The following DENND4C variants were observed in gnomAD, a reference collection of about 807,000 sequenced individuals.
The protein encoded by DENND4C is DENN domain-containing protein 4C.
In DENND4C, 108 loss-of-function variants were observed where a neutral mutation model predicts 203.0. That is an observed-to-expected ratio of 0.53 (90% CI 0.46 to 0.62). The LOEUF (loss-of-function observed/expected upper bound fraction) is 0.62, where lower values mean the gene tolerates loss of function less well. Among genes scored for constraint, DENND4C ranks in the 20% least tolerant of loss-of-function variants. DENND4C has a pLI of 0.00. For synonymous variants in DENND4C, 871 were observed against 792.4 expected (o/e 1.10, Z -1.67); for missense variants, 2,481 against 2,301.2 (o/e 1.08, Z -1.60).
intron 10 of DENND4C, among the ~76,000 whole-genome samples, chr9:19,309,382 A>T (rs145788027): frequency 2.2e-4 from 34 of 151,560 alleles, no homozygotes; most frequent in African/African-American, 7.5e-4. Context: ...AGATCGTGTC[A>T]TTGCACTCCA....
At chr9:19,259,469 C>T (rs1017771045) in intron 1 of DENND4C, among the ~76,000 whole-genome samples, 5 of 150,682 alleles carry the variant, frequency 3.3e-5, no homozygotes, top group African/African-American at 9.7e-5. Context: ...AATAGTACTC[C>T]GTTGGGTATA....
At position 19,356,967 on chromosome 9, in the gene DENND4C, TG is replaced by T; in HGVS notation, c.4782-4del. Reference sequence around the variant, plus strand: ...GGCTCTTTTTCCCCCCTTTTCCTTATGTAGCTTTTTCCTGAAACCAAGTACC... The same window carrying T: ...GGCTCTTTTTCCCCCCTTTTCCTTATTAGCTTTTTCCTGAAACCAAGTACC... On this transcript the variant is annotated splice_region_variant and splice_polypyrimidine_tract_variant and intron_variant, in intron 26 of 32. Transcript: ENST00000434457. 6.2e-7 allele frequency: 1 copy of T among 1,613,122 alleles called. No homozygotes were observed. Among genetic ancestry groups the T allele is most frequent in the South Asian group, 1.1e-5 (1 of 90,780 alleles).
chr9:19,253,490 C>G (rs562010277), intron 1 of DENND4C, among the ~76,000 whole-genome samples: 297 of 152,276 alleles, frequency 2.0e-3, no homozygotes, highest in South Asian at 5.2e-3. Context: ...AGTTCTGTGA[C>G]CCAGTCAACA....
chr9:19,265,389 A>G (rs139194251), intron 1 of DENND4C, among the ~76,000 whole-genome samples: 40 of 152,144 alleles, frequency 2.6e-4, no homozygotes, highest in African/African-American at 7.9e-4. Context: ...TTTAATTTCC[A>G]TGTGTTTACG....
intron 5 of DENND4C, among the ~76,000 whole-genome samples, chr9:19,292,100 C>T (rs1836452053): frequency 6.6e-6 from 1 of 152,096 alleles, no homozygotes; most frequent in African/African-American, 2.4e-5. Flanking sequence ...TCTCGGCTCA[C>T]TGCAACCTCC....
intron 1 of DENND4C, among the ~76,000 whole-genome samples, chr9:19,244,577 A>G (rs1824644585): frequency 1.3e-5 from 2 of 151,352 alleles, no homozygotes; most frequent in African/African-American, 4.9e-5. Context: ...CATCTGTCCT[A>G]AAAATACAAA....
chr9:19,276,470 C>T lies in DENND4C; in HGVS notation c.296C>T (p.Thr99Ile). The stretch of plus-strand genomic sequence containing the variant: ...AGAGGGAGAGATAAACCACCGCTTA[C>T]AGATATTGGGTATGGTGACTTCTTT... ...YKRGRDKPPL[T>I]DIGVLYEGKE... The change falls in exon 2 of 33, where the codon ACA (threonine) becomes ATA (isoleucine). Residue 99 changes from threonine to isoleucine, a missense_variant. Around this residue, in one of 3 missense-constraint regions of DENND4C, gnomAD observed 187 missense variants for 167.4 expected, o/e 1.12. Coordinates refer to ENST00000434457, the MANE Select transcript of DENND4C (RefSeq NM_001330640.2). The T allele has an allele frequency of 8.1e-7, 1 of 1,232,018 alleles. No homozygotes were observed. Among genetic ancestry groups the T allele is most frequent in the Non-Finnish European group, 1.0e-6 (1 of 987,868 alleles). 76.3% of individuals were successfully genotyped at this position (1,232,018 alleles called of 1,614,324 possible). A position where few individuals can be genotyped will look rare whatever the true frequency, so the allele number is the denominator to read the frequency against.
At chr9:19,238,073 TTC>T (rs1822476676) in intron 1 of DENND4C, among the ~76,000 whole-genome samples, 1 of 151,680 alleles carries the variant, frequency 6.6e-6, no homozygotes, top group South Asian at 2.1e-4. Flanking sequence ...CTTCCTCTGT[TTC>T]TTTCTTTCTT....
At position 19,298,040 on chromosome 9, in the gene DENND4C, A is replaced by G. The variant is rs1183970920; in HGVS notation, c.1041-16A>G. On this transcript the variant is annotated splice_polypyrimidine_tract_variant and intron_variant, in intron 6 of 32. Transcript: ENST00000434457. ...GAAAAGTAATTATTATATTTATTTC[A>G]AATTTTTTTTTCTAGGCACATTTCA... The G allele has an allele frequency of 2.5e-6, 4 of 1,591,966 alleles. No individual in the cohort carries two copies. The highest frequency in any genetic ancestry group is 3.4e-6 in the Non-Finnish European group (4 of 1,165,964).
intron 1 of DENND4C, among the ~76,000 whole-genome samples, chr9:19,231,860 A>G (rs1332024709): frequency 6.6e-6 from 1 of 151,888 alleles, no homozygotes; most frequent in African/African-American, 2.4e-5. Flanking sequence ...CGTTCTTCCT[A>G]GGCCCTAATT....
intron 2 of DENND4C, among the ~76,000 whole-genome samples, chr9:19,284,648 A>G (rs1269877975): frequency 6.6e-6 from 1 of 152,116 alleles, no homozygotes; most frequent in Non-Finnish European, 1.5e-5. Context: ...TCTCACAGAG[A>G]TTAATGGTGT....
intron 8 of DENND4C, among the ~76,000 whole-genome samples, chr9:19,299,621 ACTT>A (rs1003418315): frequency 1.3e-5 from 2 of 152,126 alleles, no homozygotes; most frequent in African/African-American, 4.8e-5. Context: ...AAATCCTTTT[ACTT>A]CTTTTCATCT....
At chr9:19,259,364 G>T (rs983888027) in intron 1 of DENND4C, among the ~76,000 whole-genome samples, 3 of 152,036 alleles carry the variant, frequency 2.0e-5, no homozygotes, top group Non-Finnish European at 4.4e-5. Flanking sequence ...CGTGAAGTTT[G>T]TGTTTCTGTG....
At chr9:19,343,627 G>A (rs1261415647) in intron 22 of DENND4C, among the ~76,000 whole-genome samples, 3 of 152,230 alleles carry the variant, frequency 2.0e-5, no homozygotes, top group Non-Finnish European at 2.9e-5. Context: ...CTCAAGAGGT[G>A]GGGCTAAAGA....
intron 20 of DENND4C, among the ~76,000 whole-genome samples, chr9:19,340,377 C>G (rs963174993): frequency 6.6e-6 from 1 of 152,066 alleles, no homozygotes; most frequent in Admixed American, 6.5e-5. Flanking sequence ...CTCCCCTGGC[C>G]CTTTCAGTGT....
chr9:19,355,713 T>C (rs1481059099), intron 26 of DENND4C, among the ~76,000 whole-genome samples: 1 of 152,144 alleles, frequency 6.6e-6, no homozygotes, highest in Non-Finnish European at 1.5e-5. Flanking sequence ...TTGGATTGTA[T>C]TGTTATTATT....
rs1326242425 is a variant in DENND4C, at chr9:19,369,960, A to C, written c.5648A>C (p.Gln1883Pro). Residue 1883 changes from glutamine (Q) to proline (P), a missense_variant, in exon 31 of 33, where the codon CAA becomes CCA. Around this residue, in one of 3 missense-constraint regions of DENND4C, gnomAD observed 2,289 missense variants for 2,113.3 expected, o/e 1.08. Transcript: ENST00000434457. ...VLKPINLLSQ[Q>P]MKPGMKRQRS... ...AAACCCATCAACCTACTTTCACAGCAAATGAAGCCAGGCATGAAAAGACAA... is the reference window on the plus strand; with the variant it reads ...AAACCCATCAACCTACTTTCACAGCCAATGAAGCCAGGCATGAAAAGACAA... The C allele has an allele frequency of 1.2e-6, 2 of 1,613,908 alleles. No homozygotes were observed. Among genetic ancestry groups the C allele is most frequent in the Admixed American group, 3.3e-5 (2 of 60,016 alleles).
intron 3 of DENND4C, among the ~76,000 whole-genome samples, chr9:19,287,755 C>T (rs1037017139): frequency 4.0e-5 from 6 of 150,582 alleles, no homozygotes; most frequent in Non-Finnish European, 8.9e-5. Flanking sequence ...TTTTTTCAGA[C>T]GGAGTCTCGC....
intron 27 of DENND4C, 156 bp from the exon 28 acceptor site, chr9:19,357,809 A>C: frequency 1.6e-6 from 1 of 609,294 alleles, no homozygotes; most frequent in Non-Finnish European, 2.7e-6. Flanking sequence ...AGTTTTACAA[A>C]AATGGTTGAA....
Sources: gnomAD v4.1 joint callset for allele counts (sites outside exome capture counted in the v4.1 genomes callset) on GRCh38, gnomAD v4.1.1 for gene constraint, gnomAD v4.1.1 regional missense constraint, MANE v1.5 for transcripts, NCBI Gene and HGNC (gene_info 2026-07-23, HGNC 2026-07-21) for gene names.